The following ADCY3 variants were observed in gnomAD, a reference collection of about 807,000 sequenced individuals.
ADCY3 encodes the protein adenylate cyclase 3.
In ADCY3, 70 loss-of-function variants were observed where a neutral mutation model predicts 119.4. The ratio of observed to expected loss-of-function variants is 0.59; its 90% CI spans 0.48 to 0.72. The LOEUF is 0.72. Ranked by LOEUF, ADCY3 falls within the 30% of genes least tolerant of loss-of-function variation. The pLI is 0.00. For missense variants in ADCY3, 1,238 were observed against 1,541.6 expected, an observed-to-expected ratio of 0.80 and a Z score of 3.30; for synonymous variants, 672 against 621.4, an observed-to-expected ratio of 1.08 and a Z score of -1.21.
In ADCY3 at chr2:24,898,231, C is replaced by T. The variant is rs1678505817; in HGVS notation, c.675+20082G>A. ...ACGGCCCAGCTCAGTACTCCTCCTCCTGAGGGGCTTTTCTCTCCACTCTCC... is the reference window on the plus strand; with the variant it reads ...ACGGCCCAGCTCAGTACTCCTCCTCTTGAGGGGCTTTTCTCTCCACTCTCC... On this transcript the variant is annotated intron_variant, in intron 2 of 21. Coordinates refer to ENST00000679454, the MANE Select transcript of ADCY3 (RefSeq NM_004036.5). The surrounding 1 kb of genome is among the most constrained non-coding windows in gnomAD (Gnocchi z 4.3). Among the ~76,000 whole-genome samples, 1 of 152,176 alleles carries T rather than the reference C, an allele frequency of 6.6e-6. No homozygotes were observed. Among genetic ancestry groups the T allele is most frequent in the South Asian group, 2.1e-4 (1 of 4,838 alleles).
At chr2:24,821,900 T>G in intron 19 of ADCY3, 1 of 426,692 alleles carries the variant, frequency 2.3e-6, no homozygotes, top group Non-Finnish European at 4.2e-6. Context: ...GCGGACCCCT[T>G]CACCTTGGCT....
intron 7 of ADCY3, 123 bp from the exon 8 acceptor site, chr2:24,838,745 G>C (rs1670625009): frequency 1.9e-6 from 3 of 1,586,884 alleles, no homozygotes. Context: ...GGGCATGTGG[G>C]GCAGAGGCCA....
At chr2:24,847,487 G>A (rs771917362) in intron 3 of ADCY3, among the ~76,000 whole-genome samples, 4 of 152,174 alleles carry the variant, frequency 2.6e-5, no homozygotes, top group Non-Finnish European at 5.9e-5. Flanking sequence ...AGAAGGCAAA[G>A]TAATCCCAGT....
rs753621215 is a variant in ADCY3, at chr2:24,834,526, G to C, written c.1926C>G (p.Val642=). The stretch of plus-strand genomic sequence containing the variant: ...TCTCGACCAGGGCCGTGCAGAGCAG[G>C]ACGACGCAGGAGCAGCTGAAGGCAG... ...SGAAFSCSCV[V]LLCTALVEIL... The change falls in exon 11 of 22, where the codon GTC becomes GTG. Residue 642 remains valine (V), a synonymous_variant. Coordinates refer to ENST00000679454, the MANE Select transcript of ADCY3 (RefSeq NM_004036.5). This position sits in a 1 kb window ranked among gnomAD's most constrained non-coding sequence, Gnocchi z 4.2. The C allele has an allele frequency of 5.0e-6, 8 of 1,613,752 alleles. No homozygotes were observed. The South Asian group carries it at 8.8e-5, about 18-fold the overall frequency.
At chr2:24,905,681 C>T (rs13398155) in intron 2 of ADCY3, among the ~76,000 whole-genome samples, 48,899 of 152,014 alleles carry the variant, frequency 0.32, 7,995 homozygotes, top group East Asian at 0.38. Context: ...GTGGTTGGGC[C>T]AGGCTTTTCT....
intron 3 of ADCY3, among the ~76,000 whole-genome samples, chr2:24,859,280 G>A (rs745336250): frequency 6.6e-6 from 1 of 152,184 alleles, no homozygotes; most frequent in Non-Finnish European, 1.5e-5. Flanking sequence ...CGAGCAAGAC[G>A]CAGAGCAGCT....
At chr2:24,903,362 T>C (rs1359851244) in intron 2 of ADCY3, among the ~76,000 whole-genome samples, 1 of 152,104 alleles carries the variant, frequency 6.6e-6, no homozygotes, top group Non-Finnish European at 1.5e-5. Flanking sequence ...CACACAGTCA[T>C]GTAACCACTT....
chr2:24,820,367 G>T (rs1667416626), intron 21 of ADCY3: 1 of 1,321,984 alleles, frequency 7.6e-7, no homozygotes, highest in Non-Finnish European at 9.6e-7. Flanking sequence ...TGGTCACCTG[G>T]GTGGCAGCAC....
At chr2:24,825,901 G>A (rs932682484) in intron 16 of ADCY3, 144 bp downstream of exon 16, 15 of 725,364 alleles carry the variant, frequency 2.1e-5, no homozygotes, top group Admixed American at 5.2e-5. Flanking sequence ...TAGAGAAGGC[G>A]GTGGCCTGAC....
At chr2:24,820,505 C>T in intron 21 of ADCY3, 2 of 1,408,436 alleles carry the variant, frequency 1.4e-6, no homozygotes, top group Non-Finnish European at 1.8e-6. Context: ...AGGCCATATG[C>T]ATCTAGAACT....
intron 2 of ADCY3, among the ~76,000 whole-genome samples, chr2:24,907,002 G>A (rs1322061085): frequency 2.0e-5 from 3 of 152,044 alleles, no homozygotes; most frequent in Non-Finnish European, 2.9e-5. Context: ...GTGGTGGCAC[G>A]CACCTGTAAT....
chr2:24,897,323 G>GAGAGGGAGGT (rs1678403649), intron 2 of ADCY3, among the ~76,000 whole-genome samples: 1 of 149,562 alleles, frequency 6.7e-6, no homozygotes, highest in African/African-American at 2.5e-5. Flanking sequence ...CTCTTTCTGG[G>GAGAGGGAGGT]ACTTCTTATA....
intron 11 of ADCY3, among the ~76,000 whole-genome samples, 185 bp from the exon 12 acceptor site, chr2:24,831,934 G>A (rs1344781822): frequency 3.1e-5 from 4 of 127,780 alleles, no homozygotes; most frequent in African/African-American, 1.2e-4. Flanking sequence ...GCGGACAGTG[G>A]CCAGGGGACA....
At position 24,899,447 on chromosome 2, in the gene ADCY3, G is replaced by A. The variant is rs1678667972; in HGVS notation, c.675+18866C>T. On this transcript the variant is annotated intron_variant, in intron 2 of 21. Transcript: ENST00000679454. The surrounding 1 kb of genome is among the most constrained non-coding windows in gnomAD (Gnocchi z 4.5). ...CCCCAGCCACCTCTGCCACCAGCCT[G>A]CCAGGCAAAACTGTCCCTGGATTTC... is the stretch of plus-strand genomic sequence containing the variant. 6.6e-6 allele frequency among the ~76,000 whole-genome samples: 1 copy of A among 152,226 alleles called. No homozygotes were observed. The highest frequency in any genetic ancestry group is 2.1e-4 in the South Asian group (1 of 4,834).
Position 24,841,154 on chromosome 2 carries a change from T to A in ADCY3, c.1196+105A>T, listed in dbSNP as rs1300765027. 36 of 1,293,416 alleles carry A rather than the reference T, an allele frequency of 2.8e-5. No individual in the cohort carries two copies. The highest frequency in any genetic ancestry group is 3.6e-5 in the Non-Finnish European group (35 of 969,460). 80.1% of individuals were successfully genotyped at this position (1,293,416 alleles called of 1,614,324 possible). ...TGTCCCAGTCTCTGCTTCCAGCAGA[T>A]CCCCCACCCAGGGGCCATGGCCAGC... On this transcript the variant is annotated intron_variant, in intron 6 of 21. Coordinates refer to ENST00000679454, the MANE Select transcript of ADCY3 (RefSeq NM_004036.5). This position sits in a 1 kb window ranked among gnomAD's most constrained non-coding sequence, Gnocchi z 5.8.
At chr2:24,822,390 G>T in intron 19 of ADCY3, 121 bp downstream of exon 19, 1 of 1,338,894 alleles carries the variant, frequency 7.5e-7, no homozygotes, top group Non-Finnish European at 1.0e-6. Context: ...ACGTGGTGCT[G>T]GTGGTGTGTG....
In ADCY3 at chr2:24,841,685, C is replaced by T. The variant is rs374194848; in HGVS notation, c.957-18G>A. The T allele has an allele frequency of 8.1e-6, 13 of 1,602,692 alleles. No homozygotes were observed. In the African/African-American group the frequency reaches 1.2e-4, roughly 15 times the overall value. On this transcript the variant is annotated intron_variant, in intron 4 of 21. Transcript: ENST00000679454. This position sits in a 1 kb window ranked among gnomAD's most constrained non-coding sequence, Gnocchi z 5.8. ...AGAGGATGCTGCATGAGGAAGGAAC[C>T]GTGGGGGTGACGCTCCAGGCAGCCA...
intron 11 of ADCY3, 86 bp from the exon 12 acceptor site, chr2:24,831,835 G>C: frequency 1.1e-6 from 1 of 943,982 alleles, no homozygotes; most frequent in East Asian, 2.7e-5. Context: ...ACGGGGATGG[G>C]GGCAGGGGCC....
At chr2:24,845,479 A>C (rs1485295971) in intron 3 of ADCY3, among the ~76,000 whole-genome samples, 1 of 152,216 alleles carries the variant, frequency 6.6e-6, no homozygotes, top group Non-Finnish European at 1.5e-5. Flanking sequence ...CCCCTGCCCT[A>C]GAGATTTGTG....
Sources: gnomAD v4.1 joint callset for allele counts (sites outside exome capture counted in the v4.1 genomes callset) on GRCh38, gnomAD v4.1.1 for gene constraint, Gnocchi (gnomAD v3.1) non-coding constraint, MANE v1.5 for transcripts, NCBI Gene and HGNC (gene_info 2026-07-23, HGNC 2026-07-21) for gene names.